The following RBFOX1 variants were observed in gnomAD, a reference collection of about 807,000 sequenced individuals.
RBFOX1 encodes RNA binding protein fox-1 homolog 1.
Under a neutral mutation model 57.7 loss-of-function variants are expected in RBFOX1, and 8 were observed. That is an observed-to-expected ratio of 0.14 (90% CI 0.08 to 0.25). The LOEUF is 0.25. Among genes scored for constraint, RBFOX1 ranks in the 10% least tolerant of loss-of-function variants. The probability of loss-of-function intolerance (pLI) is 1.00; values close to 1 mark genes in which losing one functional copy is unlikely to be tolerated. For synonymous variants in RBFOX1, 326 were observed against 222.4 expected (o/e 1.47, Z -4.15); for missense variants, 611 against 548.5 (o/e 1.11, Z -1.14).
intron 2 of RBFOX1, among the ~76,000 whole-genome samples, chr16:6,336,692 G>T (rs1024015619): frequency 6.6e-6 from 1 of 152,214 alleles, no homozygotes; most frequent in African/African-American, 2.4e-5. Flanking sequence ...CTGTAAAGAG[G>T]TGGGGGGGAA....
At chr16:6,496,300 A>T (rs1226361975) in intron 2 of RBFOX1, among the ~76,000 whole-genome samples, 1 of 152,174 alleles carries the variant, frequency 6.6e-6, no homozygotes, top group Admixed American at 6.5e-5. Flanking sequence ...AATATTTGGA[A>T]CTTCCTTCAT....
intron 3 of RBFOX1, among the ~76,000 whole-genome samples, chr16:6,768,382 T>A (rs1301537366): frequency 1.3e-5 from 2 of 152,128 alleles, no homozygotes; most frequent in Non-Finnish European, 1.5e-5. Flanking sequence ...GTTTTCTTAT[T>A]CTTTGAAAAT....
chr16:7,676,478 C>G (rs2073308568), intron 13 of RBFOX1, among the ~76,000 whole-genome samples: 1 of 152,192 alleles, frequency 6.6e-6, no homozygotes, highest in African/African-American at 2.4e-5. Context: ...CCATAATCCT[C>G]TCCACCCCAA....
At chr16:5,776,372 C>T (rs982503917) in intron 3 of RBFOX1, among the ~76,000 whole-genome samples, 1 of 152,184 alleles carries the variant, frequency 6.6e-6, no homozygotes, top group Non-Finnish European at 1.5e-5. Flanking sequence ...ATGTTGCATT[C>T]CTTCAGCAGC....
Position 5,897,016 on chromosome 16 carries a change from C to CTTTTTTTTTTTTTTTTTTTTTTTTTTTT in RBFOX1, c.351+29684_351+29711dup, listed in dbSNP as rs575235024. ...CCCCCACTAAAAATGTATCCATCCGCTTTTTTTTTTTTTTTTTTTTTTTTT... is the reference window on the plus strand; with the variant it reads ...CCCCCACTAAAAATGTATCCATCCGCTTTTTTTTTTTTTTTTTTTTTTTTTTTTTTTTTTTTTTTTTTTTTTTTTTTTT... On this transcript the variant is annotated intron_variant, in intron 4 of 19. Transcript: ENST00000641259. 2.1e-4 allele frequency among the ~76,000 whole-genome samples: 12 copies of CTTTTTTTTTTTTTTTTTTTTTTTTTTTT among 56,468 alleles called. 3 individuals are homozygous for CTTTTTTTTTTTTTTTTTTTTTTTTTTTT. Among genetic ancestry groups the CTTTTTTTTTTTTTTTTTTTTTTTTTTTT allele is most frequent in the African/African-American group, 4.6e-4 (6 of 13,014 alleles). The allele number at this position is 56,468 out of a possible 152,430, so 37.0% of individuals were successfully genotyped here.
At chr16:7,355,630 A>G (rs994338419) in intron 4 of RBFOX1, among the ~76,000 whole-genome samples, 2 of 152,314 alleles carry the variant, frequency 1.3e-5, no homozygotes, top group Non-Finnish European at 2.9e-5. Context: ...CAGTCTGTAC[A>G]GGTCCACTCT....
chr16:7,307,264 C>T (rs977501353), intron 4 of RBFOX1, among the ~76,000 whole-genome samples: 1 of 152,116 alleles, frequency 6.6e-6, no homozygotes, highest in African/African-American at 2.4e-5. Flanking sequence ...TATTTCTTAT[C>T]CAATAACTAA....
chr16:6,562,860 C>CTTTT (rs1320475933), intron 2 of RBFOX1, among the ~76,000 whole-genome samples: 1 of 49,022 alleles, frequency 2.0e-5, no homozygotes, highest in South Asian at 7.7e-4. Context: ...TTCTTTCTTT[C>CTTTT]TTTCTTTCTT....
At chr16:7,052,995 C>T (rs992157988) in intron 4 of RBFOX1, among the ~76,000 whole-genome samples, 1 of 152,088 alleles carries the variant, frequency 6.6e-6, no homozygotes. Context: ...TGGGATTTGG[C>T]GTTAGGAAAC....
At chr16:6,310,920 A>AG (rs1323181989) in intron 1 of RBFOX1, among the ~76,000 whole-genome samples, 67 of 148,826 alleles carry the variant, frequency 4.5e-4, no homozygotes, top group Non-Finnish European at 5.5e-4. Flanking sequence ...AAAAAAAAAA[A>AG]GAACAGAATC....
intron 4 of RBFOX1, among the ~76,000 whole-genome samples, chr16:7,509,925 C>G (rs2074533156): frequency 6.6e-6 from 1 of 150,474 alleles, no homozygotes; most frequent in South Asian, 2.1e-4. Flanking sequence ...AATCGCATTT[C>G]TAATGTTTTT....
At chr16:6,638,476 A>T (rs1362073114) in intron 2 of RBFOX1, among the ~76,000 whole-genome samples, 1 of 152,198 alleles carries the variant, frequency 6.6e-6, no homozygotes, top group African/African-American at 2.4e-5. Context: ...TGAGACTTAC[A>T]CATTTATTAT....
At chr16:5,762,975 T>C (rs140025317) in intron 3 of RBFOX1, among the ~76,000 whole-genome samples, 35 of 152,354 alleles carry the variant, frequency 2.3e-4, no homozygotes, top group Non-Finnish European at 5.1e-4. Context: ...GAATGATTTT[T>C]TAATTTTCTC....
chr16:6,939,232 T>G (rs1235371657), intron 3 of RBFOX1, among the ~76,000 whole-genome samples: 4 of 152,136 alleles, frequency 2.6e-5, no homozygotes, highest in Admixed American at 2.0e-4. Context: ...ATAAAAACCA[T>G]AAAGGTTTCC....
At chr16:6,755,660 A>G (rs1404367061) in intron 3 of RBFOX1, among the ~76,000 whole-genome samples, 3 of 152,170 alleles carry the variant, frequency 2.0e-5, no homozygotes, top group African/African-American at 4.8e-5. Flanking sequence ...AGTAAAAACA[A>G]CTTTTAATCA....
intron 1 of RBFOX1, among the ~76,000 whole-genome samples, chr16:5,311,859 G>A (rs1247744947): frequency 6.6e-6 from 1 of 152,172 alleles, no homozygotes; most frequent in Non-Finnish European, 1.5e-5. Flanking sequence ...AGTTGTGCCT[G>A]GGAAGTAGCT....
intron 3 of RBFOX1, among the ~76,000 whole-genome samples, chr16:6,963,176 G>C (rs982750171): frequency 6.6e-6 from 1 of 152,052 alleles, no homozygotes; most frequent in African/African-American, 2.4e-5. Context: ...GCCTAGCACT[G>C]CTATTTTTTT....
At chr16:6,772,208 A>G (rs62016078) in intron 3 of RBFOX1, among the ~76,000 whole-genome samples, 17,904 of 152,072 alleles carry the variant, frequency 0.12, 1,314 homozygotes, top group Admixed American at 0.22. Flanking sequence ...CCTCCCAAGT[A>G]GAAGTGGGCT....
intron 1 of RBFOX1, among the ~76,000 whole-genome samples, chr16:6,020,694 A>T (rs2095054726): frequency 6.8e-6 from 1 of 147,426 alleles, no homozygotes. Context: ...GTTGTTGTGC[A>T]GGCCAGGGGG....
Sources: allele counts gnomAD v4.1 joint callset (sites outside exome capture counted in the v4.1 genomes callset), GRCh38; gene constraint gnomAD v4.1.1; transcripts MANE v1.5; gene names NCBI Gene and HGNC (gene_info 2026-07-23, HGNC 2026-07-21).